ZNF197: variants seen among roughly 807,000 people sequenced by gnomAD.
ZNF197 encodes zinc finger protein 197.
In ZNF197, 14 loss-of-function variants were observed where a neutral mutation model predicts 27.4. The observed-to-expected ratio is 0.51, with a 90% CI of 0.34 to 0.80. ZNF197 has a LOEUF of 0.80. ZNF197 is among the 30% of genes least tolerant of loss of function. ZNF197 has a pLI of 0.02. For synonymous variants in ZNF197, 415 were observed against 420.0 expected (o/e 0.99, Z 0.15); for missense variants, 1,090 against 1,222.6 (o/e 0.89, Z 1.62).
rs954061382 is a variant in ZNF197 at position 44,644,218 on chromosome 3, T to C, written c.3088T>C (p.Ter1030GlnextTer4). 1.9e-6 allele frequency: 3 copies of C among 1,583,324 alleles called. No individual in the cohort carries two copies. The highest frequency in any genetic ancestry group is 2.7e-5 in the African/African-American group (2 of 73,362). Residue 1030 changes from the stop codon to glutamine (Q), a stop_lost, in exon 6 of 6, where the codon TAG becomes CAG. Transcript: ENST00000344387. ...GTCCAAGATTGAGATTCAGAAAATC[T>C]AGTGTCATATGTAAAATGGAATAGA... ...NESKIEIQKI[*>Q]
At chr3:44,636,149 A>G (rs912646066) in intron 5 of ZNF197, among the ~76,000 whole-genome samples, 4 of 151,956 alleles carry the variant, frequency 2.6e-5, no homozygotes, top group Non-Finnish European at 4.4e-5. Flanking sequence ...CTAAAAATAC[A>G]AAAAAATTAG....
intron 5 of ZNF197, among the ~76,000 whole-genome samples, chr3:44,637,700 C>T (rs757357372): frequency 6.6e-6 from 1 of 152,098 alleles, no homozygotes; most frequent in Non-Finnish European, 1.5e-5. Flanking sequence ...ATCCCAGGCA[C>T]CATTTGTTGA....
chr3:44,626,539 A>T (rs1701671028), intron 1 of ZNF197, among the ~76,000 whole-genome samples: 1 of 152,266 alleles, frequency 6.6e-6, no homozygotes, highest in African/African-American at 2.4e-5. Context: ...AAGTGTGTAC[A>T]AATTAACAAG....
chr3:44,638,372 C>T (rs1454090565), intron 5 of ZNF197, among the ~76,000 whole-genome samples: 1 of 151,886 alleles, frequency 6.6e-6, no homozygotes, highest in African/African-American at 2.4e-5. Context: ...TACTGAATAG[C>T]TTTGACTACA....
At position 44,644,804 on chromosome 3, in the gene ZNF197, G is replaced by C; in HGVS notation, c.*584G>C. On this transcript the variant is annotated 3_prime_UTR_variant, in exon 6 of 6. Coordinates refer to ENST00000344387, the MANE Select transcript of ZNF197 (RefSeq NM_006991.5). ...GGAGGCCGAGGTGGGAAGATCCCTT[G>C]AGCCCAGGAGTTCGAGACAAGCCTG... is the stretch of plus-strand genomic sequence containing the variant. 1.0e-6 allele frequency: 1 copy of C among 983,428 alleles called. No homozygotes were observed. The highest frequency in any genetic ancestry group is 1.2e-6 in the Non-Finnish European group (1 of 828,112). 60.9% of individuals were successfully genotyped at this position (983,428 alleles called of 1,614,324 possible).
rs752225166 is a variant in ZNF197 at position 44,642,075 on chromosome 3, T to C, written c.945T>C (p.Asp315=). 3 of 1,613,800 alleles carry C rather than the reference T, an allele frequency of 1.9e-6. No individual in the cohort carries two copies. Among genetic ancestry groups the C allele is most frequent in the Non-Finnish European group, 8.5e-7 (1 of 1,179,974 alleles). The change falls in exon 6 of 6, where the codon GAT becomes GAC. Residue 315 remains aspartate, a synonymous_variant. Coordinates refer to ENST00000344387, the MANE Select transcript of ZNF197 (RefSeq NM_006991.5). ...VLASQWGNET[D]ERADTVKKVS... is the part of the protein sequence containing the mutation. ...CAAGTCAGTGGGGAAATGAAACAGA[T>C]GAAAGGGCAGATACAGTGAAGAAAG... is the stretch of plus-strand genomic sequence containing the variant.
intron 5 of ZNF197, among the ~76,000 whole-genome samples, chr3:44,636,078 G>A (rs1702269855): frequency 6.6e-6 from 1 of 152,190 alleles, no homozygotes; most frequent in Admixed American, 6.5e-5. Context: ...GCCAAGGCAG[G>A]CGGATCACGA....
intron 2 of ZNF197, 115 bp downstream of exon 2, chr3:44,629,659 A>T (rs1030129921): frequency 7.8e-7 from 1 of 1,283,574 alleles, no homozygotes; most frequent in African/African-American, 1.5e-5. Context: ...TTAATAGCAC[A>T]CTAGCAACCT....
chr3:44,632,173 A>C lies in ZNF197; in HGVS notation c.619A>C (p.Met207Leu), dbSNP rs1326819274. 1.2e-6 allele frequency: 2 copies of C among 1,614,090 alleles called. No individual in the cohort carries two copies. The highest frequency in any genetic ancestry group is 1.7e-5 in the Admixed American group (1 of 60,008). ...CCCAAGAAATCAATTAATGGCACTTATGCTCCTAACAGCCCAGCCCCAGGT... is the reference window on the plus strand; with the variant it reads ...CCCAAGAAATCAATTAATGGCACTTCTGCTCCTAACAGCCCAGCCCCAGGT... ...ENPRNQLMAL[M>L]LLTAQPQELV... Residue 207 changes from methionine (M) to leucine (L), a missense_variant, in exon 4 of 6, where the codon ATG becomes CTG. Physicochemically the swap from Met to Leu is conservative, Grantham distance 15. Transcript: ENST00000344387.
intron 5 of ZNF197, among the ~76,000 whole-genome samples, chr3:44,636,344 G>T (rs887607521): frequency 2.6e-5 from 4 of 151,078 alleles, no homozygotes; most frequent in Admixed American, 1.3e-4. Context: ...ACCCCAAAAG[G>T]AACCTTGAAC....
At position 44,643,951 on chromosome 3, in the gene ZNF197, T is replaced by G; in HGVS notation, c.2821T>G (p.Ser941Ala). ...ECDKCRKSFT[S>A]KRNLVGHQRI... The stretch of plus-strand genomic sequence containing the variant: ...TGACAAGTGTAGGAAATCCTTTACT[T>G]CTAAGAGGAATTTAGTTGGCCACCA... The change falls in exon 6 of 6, where the codon TCT (serine) becomes GCT (alanine). Residue 941 changes from serine (S) to alanine (A), a missense_variant. Ser to Ala is a moderately conservative substitution (Grantham distance 99). Transcript: ENST00000344387. 1 of 1,614,102 alleles carries G rather than the reference T, an allele frequency of 6.2e-7. No individual in the cohort carries two copies. Among genetic ancestry groups the G allele is most frequent in the Non-Finnish European group, 8.5e-7 (1 of 1,180,006 alleles).
intron 1 of ZNF197, among the ~76,000 whole-genome samples, chr3:44,628,639 A>G (rs972091978): frequency 3.9e-5 from 6 of 152,238 alleles, no homozygotes; most frequent in Non-Finnish European, 7.3e-5. Context: ...GCACTGTTCA[A>G]AAACTTGAAA....
At position 44,642,385 on chromosome 3, in the gene ZNF197, A is replaced by G. The variant is rs769012958; in HGVS notation, c.1255A>G (p.Asn419Asp). ...QRSSLLMHLRNHSGEKPYKCN... is the reference protein window; with the variant it reads ...QRSSLLMHLRDHSGEKPYKCN... ...TTCGAGCCTTCTAATGCATTTACGG[A>G]ACCATTCAGGGGAGAAACCTTATAA... Residue 419 changes from asparagine (N) to aspartate (D), a missense_variant, in exon 6 of 6, where the codon AAC (asparagine) becomes GAC (aspartate). Asn to Asp is a conservative substitution (Grantham distance 23, BLOSUM62 1). Transcript: ENST00000344387. The G allele has an allele frequency of 5.0e-6, 8 of 1,614,036 alleles. No individual in the cohort carries two copies. The highest frequency in any genetic ancestry group is 3.4e-6 in the Non-Finnish European group (4 of 1,180,034).
Position 44,629,159 on chromosome 3 carries a change from C to G in ZNF197, c.5C>G (p.Thr2Arg). ...AGCCTTTTTCAAAAAACAACAATGA[C>G]AAGAGAAAATGTAGCCCACAATGCT... M[T>R]RENVAHNALR... is the part of the protein sequence containing the mutation. The change falls in exon 2 of 6, where the codon ACA becomes AGA. Residue 2 changes from threonine (T) to arginine (R), a missense_variant. Thr to Arg is a moderately conservative substitution (Grantham distance 71). Transcript: ENST00000344387. The G allele has an allele frequency of 6.2e-7, 1 of 1,603,096 alleles. No individual in the cohort carries two copies. The highest frequency in any genetic ancestry group is 8.5e-7 in the Non-Finnish European group (1 of 1,176,546).
rs1437204711 is a variant in ZNF197 at position 44,644,377 on chromosome 3, G to T, written c.*157G>T. ...TAATAGGCCGGGCTTGGTGGCTCATGCCTGTAATCCCAGCACTTTGAGAGG... is the reference window on the plus strand; with the variant it reads ...TAATAGGCCGGGCTTGGTGGCTCATTCCTGTAATCCCAGCACTTTGAGAGG... On this transcript the variant is annotated 3_prime_UTR_variant, in exon 6 of 6. Transcript: ENST00000344387. The T allele has an allele frequency of 1.4e-6, 2 of 1,391,482 alleles. No individual in the cohort carries two copies. Among genetic ancestry groups the T allele is most frequent in the African/African-American group, 1.5e-5 (1 of 67,986 alleles). The allele number at this position is 1,391,482 out of a possible 1,614,324, so 86.2% of individuals were successfully genotyped here.
In ZNF197 at chr3:44,643,345, T is replaced by G; in HGVS notation, c.2215T>G (p.Cys739Gly). Residue 739 changes from cysteine (C) to glycine (G), a missense_variant, in exon 6 of 6, where the codon TGT (cysteine) becomes GGT (glycine). Transcript: ENST00000344387. The stretch of plus-strand genomic sequence containing the variant: ...AGAGAAAGCCTACAAATGTGAGGAT[T>G]GTGGGAAGGCTTTCAGTTACAATTC... ...TQEKAYKCED[C>G]GKAFSYNSSL... is the part of the protein sequence containing the mutation. The G allele has an allele frequency of 2.5e-6, 4 of 1,614,032 alleles. No homozygotes were observed. The highest frequency in any genetic ancestry group is 3.4e-6 in the Non-Finnish European group (4 of 1,179,980).
chr3:44,645,792 T>C lies in ZNF197; in HGVS notation c.*1572T>C. The C allele has an allele frequency of 2.0e-6, 2 of 985,444 alleles. No individual in the cohort carries two copies. Among genetic ancestry groups the C allele is most frequent in the Non-Finnish European group, 2.4e-6 (2 of 829,934 alleles). 61.0% of individuals were successfully genotyped at this position (985,444 alleles called of 1,614,324 possible). A position where few individuals can be genotyped will look rare whatever the true frequency, so the allele number is the denominator to read the frequency against. Reference sequence around the variant, plus strand: ...AAATTTTTCACATGGAGCCAAGCTCTTCACTGATTAAGCCAGTGCAGAATC... The same window carrying C: ...AAATTTTTCACATGGAGCCAAGCTCCTCACTGATTAAGCCAGTGCAGAATC... On this transcript the variant is annotated 3_prime_UTR_variant, in exon 6 of 6. Coordinates refer to ENST00000344387, the MANE Select transcript of ZNF197 (RefSeq NM_006991.5).
chr3:44,635,583 A>G lies in ZNF197; in HGVS notation c.769+2984A>G, dbSNP rs372024163. Among the ~76,000 whole-genome samples, 115 of 152,346 alleles carry G rather than the reference A, an allele frequency of 7.5e-4. No individual in the cohort carries two copies. In the South Asian group the frequency reaches 0.023, roughly 30 times the overall value. ...CTGTGGTAGAAAAGTAGACTCCCAG[A>G]TAACTTGTACATACTACTTCAGTAT... On this transcript the variant is annotated intron_variant, in intron 5 of 5. Coordinates refer to ENST00000344387, the MANE Select transcript of ZNF197 (RefSeq NM_006991.5).
Position 44,646,358 on chromosome 3 carries a change from C to A in ZNF197, c.*2138C>A. The A allele has an allele frequency of 6.6e-7, 1 of 1,526,508 alleles. No homozygotes were observed. The highest frequency in any genetic ancestry group is 8.8e-7 in the Non-Finnish European group (1 of 1,137,620). The allele number at this position is 1,526,508 out of a possible 1,614,324, so 94.6% of individuals were successfully genotyped here. On this transcript the variant is annotated 3_prime_UTR_variant, in exon 6 of 6. Transcript: ENST00000344387. ...TAACAATGGAGAATGCTGTGATTTA[C>A]CTCTTCACCGAGTAACAAAATGTCA...
Sources: allele counts gnomAD v4.1 joint callset (sites outside exome capture counted in the v4.1 genomes callset), GRCh38; gene constraint gnomAD v4.1.1; transcripts MANE v1.5; gene names NCBI Gene and HGNC (gene_info 2026-07-23, HGNC 2026-07-21).